Variants in MTMR1 observed in about 807,000 individuals in gnomAD.
The protein encoded by MTMR1 is phosphatidylinositol-3-phosphate phosphatase MTMR1.
A neutral mutation model predicts 51.6 loss-of-function variants in MTMR1; 17 were observed. The observed-to-expected ratio is 0.33, with a 90% CI of 0.23 to 0.49. MTMR1 has a LOEUF of 0.49. MTMR1 is among the 20% of genes least tolerant of loss of function. The probability of loss-of-function intolerance (pLI) is 0.99; values close to 1 mark genes in which losing one functional copy is unlikely to be tolerated. For missense variants in MTMR1, 386 were observed against 526.9 expected (o/e 0.73, Z 2.62); for synonymous variants, 201 against 205.6 (o/e 0.98, Z 0.19).
intron 2 of MTMR1, among the ~76,000 whole-genome samples, chrX:150,710,270 A>G (rs1324686247): frequency 3.6e-5 from 4 of 112,090 alleles, no homozygotes; most frequent in African/African-American, 1.3e-4. Flanking sequence ...TGCCACCTTG[A>G]ACTCAGCCAG....
At chrX:150,732,405 T>C in intron 9 of MTMR1, 137 bp from the exon 10 acceptor site, 1 of 503,534 alleles carries the variant, frequency 2.0e-6, no homozygotes, top group East Asian at 3.9e-5. Context: ...ATGCTGTGAT[T>C]GGCCTGCCCA....
intron 3 of MTMR1, among the ~76,000 whole-genome samples, chrX:150,717,602 G>A (rs1275906741): frequency 1.8e-5 from 2 of 110,057 alleles, no homozygotes; most frequent in Admixed American, 9.7e-5. Context: ...CCTTGGCAGC[G>A]TCTCACAGGG....
chrX:150,758,695 G>A (rs1453540503), intron 15 of MTMR1, among the ~76,000 whole-genome samples: 1 of 109,530 alleles, frequency 9.1e-6, no homozygotes, highest in African/African-American at 3.3e-5. Context: ...GGAGGCCGAG[G>A]CAGAAGAATC....
chrX:150,738,855 A>T, intron 12 of MTMR1, among the ~76,000 whole-genome samples: 1 of 111,876 alleles, frequency 8.9e-6, no homozygotes, highest in Non-Finnish European at 1.9e-5. Flanking sequence ...ACTTGCTTAC[A>T]ATCTAGGGGG....
Position 150,762,795 on chromosome X carries a change from G to C in MTMR1, c.*66G>C. On this transcript the variant is annotated 3_prime_UTR_variant, in exon 16 of 16. Transcript: ENST00000445323. Reference sequence around the variant, plus strand: ...TCAGGAAAGGGACCTGGCGATCACTGTTATGGCTGTAGCTTGTGATCTTGT... The same window carrying C: ...TCAGGAAAGGGACCTGGCGATCACTCTTATGGCTGTAGCTTGTGATCTTGT... 1 of 1,067,022 alleles carries C rather than the reference G, an allele frequency of 9.4e-7. No homozygotes were observed. The highest frequency in any genetic ancestry group is 1.2e-6 in the Non-Finnish European group (1 of 806,578). 87.9% of individuals were successfully genotyped at this position (1,067,022 alleles called of 1,213,427 possible).
At chrX:150,753,607 A>G (rs2042817367) in intron 14 of MTMR1, among the ~76,000 whole-genome samples, 1 of 112,686 alleles carries the variant, frequency 8.9e-6, no homozygotes. Flanking sequence ...GGCCATTTGC[A>G]TATCTTCTGT....
At chrX:150,705,816 T>C (rs1030335817) in intron 2 of MTMR1, among the ~76,000 whole-genome samples, 3 of 111,910 alleles carry the variant, frequency 2.7e-5, no homozygotes, top group Non-Finnish European at 5.6e-5. Context: ...TAAGTGAGTT[T>C]AGTGAGGTCA....
intron 3 of MTMR1, among the ~76,000 whole-genome samples, chrX:150,716,077 C>T (rs188183582): frequency 6.1e-4 from 69 of 112,449 alleles, no homozygotes; most frequent in Non-Finnish European, 1.1e-3. Flanking sequence ...TTCCTAAGCT[C>T]CTCCAGATTC....
chrX:150,747,849 C>T (rs962625319), intron 13 of MTMR1, among the ~76,000 whole-genome samples: 52 of 111,712 alleles, frequency 4.7e-4, no homozygotes, highest in Non-Finnish European at 3.0e-4. Flanking sequence ...TTCCAAGCTC[C>T]CAAATCTACA....
chrX:150,711,831 A>G (rs2041321213), intron 2 of MTMR1, among the ~76,000 whole-genome samples: 3 of 112,257 alleles, frequency 2.7e-5, no homozygotes, highest in Middle Eastern at 4.6e-3. Context: ...CTTTGCAGGT[A>G]ACTCAGCTTT....
At chrX:150,750,303 C>T (rs1421424637) in intron 13 of MTMR1, among the ~76,000 whole-genome samples, 1 of 112,236 alleles carries the variant, frequency 8.9e-6, no homozygotes, top group African/African-American at 3.2e-5. Flanking sequence ...TGGGATGTGG[C>T]TGCAGCGGGG....
chrX:150,716,315 G>C (rs2041512759), intron 3 of MTMR1, among the ~76,000 whole-genome samples: 1 of 112,734 alleles, frequency 8.9e-6, no homozygotes, highest in Non-Finnish European at 1.9e-5. Context: ...AGGCAATAAA[G>C]CAGAGTTTCA....
intron 3 of MTMR1, among the ~76,000 whole-genome samples, chrX:150,716,288 C>T (rs1201693985): frequency 1.8e-5 from 2 of 112,756 alleles, no homozygotes; most frequent in Admixed American, 1.9e-4. Context: ...AGATGCTATA[C>T]AGTTAGTCAC....
chrX:150,752,753 A>G (rs1247601314), intron 14 of MTMR1, among the ~76,000 whole-genome samples: 2 of 108,202 alleles, frequency 1.8e-5, no homozygotes, highest in Non-Finnish European at 3.8e-5. Context: ...TCATGGTTCT[A>G]GCATATTCAC....
intron 14 of MTMR1, among the ~76,000 whole-genome samples, chrX:150,753,981 C>T (rs1199149344): frequency 1.8e-5 from 2 of 112,589 alleles, no homozygotes; most frequent in Non-Finnish European, 3.7e-5. Context: ...GTGATCTGTT[C>T]TGAGGTAACG....
At chrX:150,746,166 A>G (rs1005308270) in intron 13 of MTMR1, among the ~76,000 whole-genome samples, 1 of 111,962 alleles carries the variant, frequency 8.9e-6, no homozygotes, top group Non-Finnish European at 1.9e-5. Flanking sequence ...AAGGGGAGGG[A>G]GTCTGAATAG....
rs782330895 is a variant in MTMR1 at position 150,760,804 on chromosome X, G to C, written c.1858-1761G>C. Among the ~76,000 whole-genome samples the C allele has an allele frequency of 1.5e-4, 16 of 110,314 alleles. 1 individual carries two copies. In the South Asian group the frequency reaches 5.1e-3, roughly 35 times the overall value. On this transcript the variant is annotated intron_variant, in intron 15 of 15. Coordinates refer to ENST00000445323, the MANE Select transcript of MTMR1 (RefSeq NM_001306144.3). ...CCAGACACAGTGGTGGCGGGCGCCTGTAATCCCAGCTGCTCAGGAGGCTGA... is the reference window on the plus strand; with the variant it reads ...CCAGACACAGTGGTGGCGGGCGCCTCTAATCCCAGCTGCTCAGGAGGCTGA...
chrX:150,749,498 A>G (rs782626414), intron 13 of MTMR1, among the ~76,000 whole-genome samples: 8 of 111,980 alleles, frequency 7.1e-5, no homozygotes, highest in Admixed American at 9.5e-5. Context: ...GTTCTGGCGC[A>G]TGGTAGGCAC....
At chrX:150,727,627 A>C (rs1011291551) in intron 5 of MTMR1, 57 bp from the exon 6 acceptor site, 19 of 930,600 alleles carry the variant, frequency 2.0e-5, no homozygotes, top group African/African-American at 7.8e-5. Context: ...CAAAGACTTA[A>C]AATATGAAAA....
Sources: allele counts gnomAD v4.1 joint callset (sites outside exome capture counted in the v4.1 genomes callset), GRCh38; gene constraint gnomAD v4.1.1; transcripts MANE v1.5; gene names NCBI Gene and HGNC (gene_info 2026-07-23, HGNC 2026-07-21).